Variants in DHX40 observed in about 807,000 individuals in gnomAD.
DHX40 encodes DEAH-box helicase 40, also known as probable ATP-dependent RNA helicase DHX40.
A neutral mutation model predicts 89.6 loss-of-function variants in DHX40; 28 were observed. That is an observed-to-expected ratio of 0.31 (90% CI 0.23 to 0.43). The LOEUF (loss-of-function observed/expected upper bound fraction) is 0.43. DHX40 is among the 20% of genes least tolerant of loss of function. The probability of loss-of-function intolerance (pLI) is 1.00; values close to 1 mark genes in which losing one functional copy is unlikely to be tolerated. For missense variants in DHX40, 457 were observed against 844.0 expected (o/e 0.54, Z 5.68); for synonymous variants, 226 against 283.6 (o/e 0.80, Z 2.04).
At chr17:59,589,986 C>G (rs941523119) in intron 12 of DHX40, among the ~76,000 whole-genome samples, 31 of 151,358 alleles carry the variant, frequency 2.0e-4, no homozygotes, top group Non-Finnish European at 3.8e-4. Flanking sequence ...CTTGGGATTG[C>G]AGGCATGAGC....
At chr17:59,591,310 A>G (rs1272674041) in intron 12 of DHX40, among the ~76,000 whole-genome samples, 1 of 150,450 alleles carries the variant, frequency 6.6e-6, no homozygotes, top group African/African-American at 2.4e-5. Flanking sequence ...ATCCCCAAAA[A>G]GAAAAAAGAA....
chr17:59,577,453 C>T, intron 8 of DHX40, 88 bp downstream of exon 8: 1 of 981,098 alleles, frequency 1.0e-6, no homozygotes, highest in Non-Finnish European at 1.6e-6. Flanking sequence ...TTTTCTGTGC[C>T]CTCCACTAAT....
At chr17:59,568,855 A>T (rs1187337357) in intron 2 of DHX40, among the ~76,000 whole-genome samples, 3 of 144,028 alleles carry the variant, frequency 2.1e-5, no homozygotes, top group Admixed American at 6.9e-5. Flanking sequence ...TATATATATA[A>T]ATATAGATAT....
intron 14 of DHX40, among the ~76,000 whole-genome samples, chr17:59,601,060 T>A (rs1448989347): frequency 6.6e-6 from 1 of 151,358 alleles, no homozygotes; most frequent in African/African-American, 2.4e-5. Context: ...TCCTAGCACT[T>A]TGGGAAGCCG....
chr17:59,570,917 A>G (rs745439107), intron 3 of DHX40, among the ~76,000 whole-genome samples: 4 of 152,152 alleles, frequency 2.6e-5, no homozygotes, highest in Non-Finnish European at 1.5e-5. Context: ...TTCAATATAT[A>G]TTTTAAAGAA....
chr17:59,581,786 C>CA lies in DHX40; in HGVS notation c.1343+1916dup, dbSNP rs199937069. On this transcript the variant is annotated intron_variant, in intron 10 of 17. Coordinates refer to ENST00000251241, the MANE Select transcript of DHX40 (RefSeq NM_024612.5). ...AAAAAAAAAAAAAAACCAAAAAAAG[C>CA]AAAAAAAAACCCCAAAACCCACAAA... 3.2e-4 allele frequency among the ~76,000 whole-genome samples: 36 copies of CA among 113,996 alleles called. 8 individuals carry two copies. Among genetic ancestry groups the CA allele is most frequent in the South Asian group, 1.0e-3 (3 of 2,938 alleles). 74.8% of individuals were successfully genotyped at this position (113,996 alleles called of 152,430 possible).
chr17:59,566,915 CA>C, intron 2 of DHX40, 121 bp downstream of exon 2: 1 of 810,742 alleles, frequency 1.2e-6, no homozygotes, highest in East Asian at 3.2e-5. Flanking sequence ...CTTCTCTTGG[CA>C]CACCCCCTTC....
At chr17:59,603,767 C>A (rs1004391429) in intron 15 of DHX40, 1 of 152,084 alleles carries the variant, frequency 6.6e-6, no homozygotes, top group Non-Finnish European at 1.5e-5. Flanking sequence ...GCATATGTGA[C>A]CTAAATCAAG....
chr17:59,598,969 T>G, intron 13 of DHX40, 118 bp downstream of exon 13: 1 of 598,104 alleles, frequency 1.7e-6, no homozygotes, highest in Non-Finnish European at 3.1e-6. Context: ...CTTCAAGGTA[T>G]TTTGAATTTC....
intron 2 of DHX40, among the ~76,000 whole-genome samples, chr17:59,567,662 C>G (rs1166967468): frequency 2.6e-5 from 4 of 152,064 alleles, no homozygotes; most frequent in African/African-American, 9.7e-5. Context: ...CACAGTGGCT[C>G]ACGCCTGTAA....
At position 59,565,665 on chromosome 17, in the gene DHX40, C is replaced by T. The variant is rs947745967; in HGVS notation, c.-7C>T. On this transcript the variant is annotated 5_prime_UTR_variant, in exon 1 of 18. Transcript: ENST00000251241. ...GGACGTGCTCGCCTCCACTCGGGGCCAGGTCTATGTCCCGGTTTCCCGCAG... is the reference window on the plus strand; with the variant it reads ...GGACGTGCTCGCCTCCACTCGGGGCTAGGTCTATGTCCCGGTTTCCCGCAG... The T allele has an allele frequency of 6.3e-7, 1 of 1,598,782 alleles. No individual in the cohort carries two copies. Among genetic ancestry groups the T allele is most frequent in the Non-Finnish European group, 8.5e-7 (1 of 1,178,550 alleles).
chr17:59,570,220 A>ATATATTAGTTTAT (rs1567858713), intron 2 of DHX40, among the ~76,000 whole-genome samples: 5 of 114,060 alleles, frequency 4.4e-5, no homozygotes, highest in African/African-American at 2.3e-4. Context: ...ATTATATATT[A>ATATATTAGTTTAT]AATATATATT....
chr17:59,577,001 C>G (rs377400824), intron 7 of DHX40: 7 of 399,052 alleles, frequency 1.8e-5, no homozygotes, highest in South Asian at 1.5e-4. Context: ...TCCCGAGTAG[C>G]TGGGACTACA....
chr17:59,577,923 C>G (rs540363216), intron 8 of DHX40, among the ~76,000 whole-genome samples: 1 of 152,186 alleles, frequency 6.6e-6, no homozygotes, highest in Admixed American at 6.5e-5. Context: ...CAGCCTCACT[C>G]GGTAGAGTTA....
At chr17:59,603,132 G>T (rs1049423712) in intron 15 of DHX40, among the ~76,000 whole-genome samples, 6 of 152,146 alleles carry the variant, frequency 3.9e-5, no homozygotes, top group African/African-American at 1.2e-4. Context: ...AGTGATAATG[G>T]TGAAGGGAGT....
At chr17:59,580,830 C>G (rs1370604312) in intron 10 of DHX40, among the ~76,000 whole-genome samples, 2 of 150,882 alleles carry the variant, frequency 1.3e-5, no homozygotes, top group African/African-American at 4.9e-5. Context: ...GTCTGTAATC[C>G]TAGCACTTTG....
chr17:59,605,958 C>A, intron 17 of DHX40: 1 of 422,854 alleles, frequency 2.4e-6, no homozygotes, highest in East Asian at 4.8e-5. Context: ...CAGAGTGAGA[C>A]ACTATCTCTA....
At chr17:59,571,972 A>T (rs2048816392) in intron 3 of DHX40, among the ~76,000 whole-genome samples, 1 of 152,028 alleles carries the variant, frequency 6.6e-6, no homozygotes, top group Admixed American at 6.6e-5. Context: ...CTCTTATTTC[A>T]CTGAGCATGT....
In DHX40 at chr17:59,573,441, C is replaced by T. The variant is rs140036124; in HGVS notation, c.546+206C>T. On this transcript the variant is annotated intron_variant, in intron 4 of 17. Transcript: ENST00000251241. ...AACTCCTGGGCTCAAGTGATCCTCC[C>T]ATCTCAACCTCCTGAGTTGCTGGTA... Among the ~76,000 whole-genome samples, 192 of 152,250 alleles carry T rather than the reference C, an allele frequency of 1.3e-3. 1 individual carries two copies. Among genetic ancestry groups the T allele is most frequent in the Non-Finnish European group, 2.1e-3 (143 of 68,004 alleles).
Sources: gnomAD v4.1 joint callset for allele counts (sites outside exome capture counted in the v4.1 genomes callset) on GRCh38, gnomAD v4.1.1 for gene constraint, MANE v1.5 for transcripts, NCBI Gene and HGNC (gene_info 2026-07-23, HGNC 2026-07-21) for gene names.